The following CPQ variants were observed in gnomAD, a reference collection of about 807,000 sequenced individuals.
The protein encoded by CPQ is Ser-Met dipeptidase.
In CPQ, 37 loss-of-function variants were observed where a neutral mutation model predicts 45.7. That is an observed-to-expected ratio of 0.81 (90% CI 0.62 to 1.07). CPQ has a LOEUF of 1.07. CPQ is among the 50% of genes least tolerant of loss of function. CPQ has a pLI of 0.00. For missense variants in CPQ, 537 were observed against 572.9 expected (o/e 0.94, Z 0.64); for synonymous variants, 186 against 205.8 (o/e 0.90, Z 0.82).
intron 1 of CPQ, among the ~76,000 whole-genome samples, chr8:96,708,244 A>G (rs560665977): frequency 6.6e-6 from 1 of 152,176 alleles, no homozygotes; most frequent in African/African-American, 2.4e-5. Flanking sequence ...ATAATCCAAG[A>G]TAGTCTCCTT....
chr8:97,130,909 A>G (rs1811944122), intron 7 of CPQ, among the ~76,000 whole-genome samples: 1 of 152,028 alleles, frequency 6.6e-6, no homozygotes, highest in South Asian at 2.1e-4. Flanking sequence ...TCAAAAAAAA[A>G]AATTTGCATC....
At chr8:97,054,359 A>G (rs1466603276) in intron 6 of CPQ, among the ~76,000 whole-genome samples, 1 of 152,186 alleles carries the variant, frequency 6.6e-6, no homozygotes, top group African/African-American at 2.4e-5. Context: ...GGAAAACAGT[A>G]TGGAGATTCC....
intron 1 of CPQ, among the ~76,000 whole-genome samples, chr8:96,664,043 T>A (rs866976511): frequency 6.6e-6 from 1 of 152,348 alleles, no homozygotes; most frequent in Middle Eastern, 3.4e-3. Context: ...CATCGAAGGT[T>A]ATTATTAAAA....
intron 2 of CPQ, among the ~76,000 whole-genome samples, chr8:96,815,340 A>ACATT (rs1489729823): frequency 6.6e-6 from 1 of 152,130 alleles, no homozygotes; most frequent in Non-Finnish European, 1.5e-5. Context: ...TTTTAAGTAC[A>ACATT]CATTCTCATT....
chr8:96,710,876 T>A (rs1217643124), intron 1 of CPQ, among the ~76,000 whole-genome samples: 1 of 152,200 alleles, frequency 6.6e-6, no homozygotes, highest in African/African-American at 2.4e-5. Context: ...TTTTATAGTG[T>A]AGATTAAGTC....
chr8:96,690,875 A>G (rs1213924240), intron 1 of CPQ, among the ~76,000 whole-genome samples: 2 of 152,168 alleles, frequency 1.3e-5, no homozygotes, highest in African/African-American at 2.4e-5. Flanking sequence ...AAATATGACT[A>G]CATCTATGGT....
chr8:97,086,665 G>T (rs1307935630), intron 7 of CPQ, among the ~76,000 whole-genome samples: 1 of 152,060 alleles, frequency 6.6e-6, no homozygotes, highest in African/African-American at 2.4e-5. Flanking sequence ...GACTTACCTG[G>T]ATTTGTGTCT....
intron 2 of CPQ, among the ~76,000 whole-genome samples, chr8:96,825,285 T>C (rs142857397): frequency 3.3e-5 from 5 of 152,154 alleles, no homozygotes; most frequent in Non-Finnish European, 4.4e-5. Context: ...ACTTTCTCTT[T>C]CCCTGGGCCT....
chr8:97,047,916 C>A (rs1269208345), intron 6 of CPQ, among the ~76,000 whole-genome samples: 1 of 152,134 alleles, frequency 6.6e-6, no homozygotes, highest in Non-Finnish European at 1.5e-5. Flanking sequence ...AGAACCCTAA[C>A]CTTTGAGAGA....
intron 6 of CPQ, among the ~76,000 whole-genome samples, chr8:97,055,821 C>T (rs182791120): frequency 9.2e-5 from 14 of 152,218 alleles, no homozygotes; most frequent in Admixed American, 3.3e-4. Flanking sequence ...ATTTTTAGGC[C>T]GGGCACAGTG....
At chr8:97,015,837 A>C (rs1429479267) in intron 5 of CPQ, among the ~76,000 whole-genome samples, 1 of 152,178 alleles carries the variant, frequency 6.6e-6, no homozygotes, top group Non-Finnish European at 1.5e-5. Flanking sequence ...TATTGATTAT[A>C]ATAAGGACCA....
intron 2 of CPQ, among the ~76,000 whole-genome samples, chr8:96,812,838 T>A (rs1811176568): frequency 6.6e-6 from 1 of 151,864 alleles, no homozygotes; most frequent in African/African-American, 2.4e-5. Context: ...TGAGCTGGTG[T>A]CTGGTTTTCT....
chr8:96,877,949 C>A (rs1812169850), intron 3 of CPQ, among the ~76,000 whole-genome samples: 1 of 151,962 alleles, frequency 6.6e-6, no homozygotes, highest in Non-Finnish European at 1.5e-5. Flanking sequence ...ATAAAATTTG[C>A]AGTCCACCTT....
At chr8:96,950,682 A>G (rs574111328) in intron 4 of CPQ, among the ~76,000 whole-genome samples, 6 of 152,276 alleles carry the variant, frequency 3.9e-5, no homozygotes, top group African/African-American at 1.2e-4. Flanking sequence ...CACCATAGCA[A>G]TTGGACATTA....
intron 1 of CPQ, among the ~76,000 whole-genome samples, chr8:96,652,696 C>G (rs1013576257): frequency 6.6e-6 from 1 of 152,114 alleles, no homozygotes; most frequent in Non-Finnish European, 1.5e-5. Context: ...GCAGTGGCGC[C>G]ATCTCTGCTC....
rs531046647 is a variant in CPQ, at chr8:96,710,640, G to A, written c.-35+65238G>A. Among the ~76,000 whole-genome samples the A allele has an allele frequency of 4.7e-4, 71 of 152,222 alleles. 1 individual carries two copies. The highest frequency in any genetic ancestry group is 1.6e-3 in the African/African-American group (68 of 41,556). ...CAGGAGCTGATTGCTTAATTTCCAT[G>A]TATTTGTGTAGTTTTGAGGGTTCCA... On this transcript the variant is annotated intron_variant, in intron 1 of 7. Coordinates refer to ENST00000220763, the MANE Select transcript of CPQ (RefSeq NM_016134.4).
In CPQ at chr8:97,045,006, T is replaced by A. The variant is rs1291847048; in HGVS notation, c.1053+15512T>A. 4.6e-5 allele frequency among the ~76,000 whole-genome samples: 7 copies of A among 152,136 alleles called. No homozygotes were observed. The East Asian group carries it at 1.2e-3, about 25-fold the overall frequency. The stretch of plus-strand genomic sequence containing the variant: ...AGCTGCGTGCTGGGAGAACCACTGC[T>A]CTCTTCAAAGCTGTCAGACAGGGAC... On this transcript the variant is annotated intron_variant, in intron 6 of 7. Transcript: ENST00000220763.
At position 96,922,106 on chromosome 8, in the gene CPQ, C is replaced by T. The variant is rs554101858; in HGVS notation, c.849+42101C>T. 3.6e-3 allele frequency among the ~76,000 whole-genome samples: 550 copies of T among 151,728 alleles called. 5 individuals are homozygous for T. The highest frequency in any genetic ancestry group is 0.012 in the African/African-American group (511 of 41,024). ...TGTCTTTTAAAATTAGATTAAATTA[C>T]TTAATTCCAGAGACCTGTGTTGTTC... On this transcript the variant is annotated intron_variant, in intron 4 of 7. Coordinates refer to ENST00000220763, the MANE Select transcript of CPQ (RefSeq NM_016134.4).
At chr8:96,662,005 GTTTTCT>G (rs1209200636) in intron 1 of CPQ, among the ~76,000 whole-genome samples, 3 of 152,172 alleles carry the variant, frequency 2.0e-5, no homozygotes, top group Non-Finnish European at 4.4e-5. Flanking sequence ...GTGGTATCTT[GTTTTCT>G]TTTCCATTTC....
Sources: gnomAD v4.1 joint callset for allele counts (sites outside exome capture counted in the v4.1 genomes callset) on GRCh38, gnomAD v4.1.1 for gene constraint, MANE v1.5 for transcripts, NCBI Gene and HGNC (gene_info 2026-07-23, HGNC 2026-07-21) for gene names.